Variants in CAMK2A observed in about 807,000 individuals in gnomAD.
The protein encoded by CAMK2A is calcium/calmodulin-dependent protein kinase type II subunit alpha.
Under a neutral mutation model 79.2 loss-of-function variants are expected in CAMK2A, and 7 were observed. The observed-to-expected ratio is 0.09, with a 90% confidence interval of 0.05 to 0.17. The LOEUF is 0.17. CAMK2A is among the 10% of genes least tolerant of loss of function. The pLI is 1.00. For missense variants in CAMK2A, 214 were observed against 646.4 expected (o/e 0.33, Z 7.25); for synonymous variants, 242 against 251.7 (o/e 0.96, Z 0.36).
chr5:150,243,994 G>A lies in CAMK2A; in HGVS notation c.984+1167C>T, dbSNP rs77118393. On this transcript the variant is annotated intron_variant, in intron 13 of 18. Coordinates refer to ENST00000671881, the MANE Select transcript of CAMK2A (RefSeq NM_015981.4). The stretch of plus-strand genomic sequence containing the variant: ...TGCCTCCCCAGTCCAGTACCTTTGG[G>A]ATCTAAAGAGTTCAATTTGAAAACC... Among the ~76,000 whole-genome samples, 562 of 152,274 alleles carry A rather than the reference G, an allele frequency of 3.7e-3. 2 individuals carry two copies. Among genetic ancestry groups the A allele is most frequent in the African/African-American group, 0.013 (532 of 41,542 alleles).
chr5:150,227,032 A>G lies in CAMK2A; in HGVS notation c.1237+1160T>C, dbSNP rs553578210. Among the ~76,000 whole-genome samples, 6 of 152,102 alleles carry G rather than the reference A, an allele frequency of 3.9e-5. No homozygotes were observed. In the East Asian group the frequency reaches 7.8e-4, roughly 20 times the overall value. On this transcript the variant is annotated intron_variant, in intron 17 of 18. Coordinates refer to ENST00000671881, the MANE Select transcript of CAMK2A (RefSeq NM_015981.4). ...AGTGATCTGCCCGCCTCAGCCTCCC[A>G]AAGTGCTGGGATTACATGCGTGAGC...
chr5:150,278,645 G>A (rs938743759), intron 1 of CAMK2A, among the ~76,000 whole-genome samples: 2 of 152,132 alleles, frequency 1.3e-5, no homozygotes, highest in African/African-American at 4.8e-5. Context: ...GAGAGCTGTG[G>A]CGGATGGCCA....
Position 150,220,258 on chromosome 5 carries a change from G to GA in CAMK2A, c.*2451dup, listed in dbSNP as rs569049701. On this transcript the variant is annotated 3_prime_UTR_variant, in exon 19 of 19. Coordinates refer to ENST00000671881, the MANE Select transcript of CAMK2A (RefSeq NM_015981.4). ...ACACAGCAAGTCTGGTCAGAGCTGGGAATTGAAGCCTACTCACCCCAAATC... is the reference window on the plus strand; with the variant it reads ...ACACAGCAAGTCTGGTCAGAGCTGGGAAATTGAAGCCTACTCACCCCAAATC... 5.3e-5 allele frequency: 8 copies of GA among 152,362 alleles called. No individual in the cohort carries two copies. In the East Asian group the frequency reaches 9.6e-4, roughly 18 times the overall value. The allele number at this position is 152,362 out of a possible 1,614,324, so 9.4% of individuals were successfully genotyped here. A position where few individuals can be genotyped will look rare whatever the true frequency, so the allele number is the denominator to read the frequency against.
chr5:150,261,791 C>A (rs1173682256), intron 3 of CAMK2A, among the ~76,000 whole-genome samples: 1 of 152,202 alleles, frequency 6.6e-6, no homozygotes, highest in Non-Finnish European at 1.5e-5. Context: ...ATGACTTAAC[C>A]TCTCTGAGCC....
At chr5:150,282,896 G>C (rs1228476138) in intron 1 of CAMK2A, among the ~76,000 whole-genome samples, 1 of 152,358 alleles carries the variant, frequency 6.6e-6, no homozygotes, top group East Asian at 1.9e-4. Flanking sequence ...GCCAGCTGTG[G>C]GATGCAGGAG....
At chr5:150,248,577 C>T (rs1755686617) in intron 11 of CAMK2A, among the ~76,000 whole-genome samples, 1 of 147,078 alleles carries the variant, frequency 6.8e-6, no homozygotes, top group South Asian at 2.1e-4. Flanking sequence ...TGAGTGAGAA[C>T]ATGCGCTGTT....
chr5:150,273,153 G>A lies in CAMK2A; in HGVS notation c.69C>T (p.Ala23=). 2 of 1,613,044 alleles carry A rather than the reference G, an allele frequency of 1.2e-6. No individual in the cohort carries two copies. The highest frequency in any genetic ancestry group is 1.7e-6 in the Non-Finnish European group (2 of 1,179,496). ...TCACACACCTTCGCACCACCGAGAA[G>A]GCTCCCCTAGGAGGACAGAGAAGGT... ...YQLFEELGKG[A]FSVVRRCVKV... Residue 23 remains alanine, a synonymous_variant, in exon 2 of 19, where the codon GCC becomes GCT. Transcript: ENST00000671881.
chr5:150,228,115 G>A (rs996777266), intron 17 of CAMK2A, 77 bp downstream of exon 17: 45 of 1,283,560 alleles, frequency 3.5e-5, no homozygotes, highest in Middle Eastern at 1.9e-4. Flanking sequence ...GGCCCTGCCC[G>A]TCACCCTGCT....
intron 1 of CAMK2A, among the ~76,000 whole-genome samples, chr5:150,281,613 T>C (rs182873370): frequency 6.6e-6 from 1 of 152,352 alleles, no homozygotes; most frequent in East Asian, 1.9e-4. Flanking sequence ...CAATACCCAG[T>C]ACTCTCAGGT....
chr5:150,282,632 T>C (rs981081196), intron 1 of CAMK2A, among the ~76,000 whole-genome samples: 21 of 152,238 alleles, frequency 1.4e-4, no homozygotes, highest in African/African-American at 4.6e-4. Flanking sequence ...TGTGTGACCA[T>C]GGGCAACGCC....
At chr5:150,275,863 T>C (rs1243866017) in intron 1 of CAMK2A, among the ~76,000 whole-genome samples, 1 of 151,950 alleles carries the variant, frequency 6.6e-6, no homozygotes, top group East Asian at 1.9e-4. Context: ...TAAGAGACCT[T>C]TATGGAGGCC....
chr5:150,244,386 G>T (rs1368231904), intron 13 of CAMK2A, among the ~76,000 whole-genome samples: 1 of 152,242 alleles, frequency 6.6e-6, no homozygotes, highest in African/African-American at 2.4e-5. Flanking sequence ...AATGTCCTGG[G>T]CACATCCCAG....
At chr5:150,277,413 G>A (rs1174114351) in intron 1 of CAMK2A, among the ~76,000 whole-genome samples, 2 of 152,212 alleles carry the variant, frequency 1.3e-5, no homozygotes, top group African/African-American at 4.8e-5. Flanking sequence ...CACTGATGGG[G>A]GCCAGCGAGG....
intron 2 of CAMK2A, among the ~76,000 whole-genome samples, chr5:150,268,346 T>C (rs922123891): frequency 6.6e-5 from 10 of 152,164 alleles, no homozygotes; most frequent in African/African-American, 2.4e-4. Context: ...ACCAAGCTCC[T>C]TCCCACCTCA....
Position 150,222,491 on chromosome 5 carries a change from G to A in CAMK2A, c.*219C>T, listed in dbSNP as rs1169268774. ...GGAAGCCCCAGCCTGGCAGGGGAGA[G>A]GGTGGGGGTGAGAGGTGGGGAGATG... is the stretch of plus-strand genomic sequence containing the variant. On this transcript the variant is annotated 3_prime_UTR_variant, in exon 19 of 19. Transcript: ENST00000671881. 16 of 705,342 alleles carry A rather than the reference G, an allele frequency of 2.3e-5. No homozygotes were observed. The highest frequency in any genetic ancestry group is 8.9e-5 in the South Asian group (6 of 67,618). The allele number at this position is 705,342 out of a possible 1,614,324, so 43.7% of individuals were successfully genotyped here. A position where few individuals can be genotyped will look rare whatever the true frequency, so the allele number is the denominator to read the frequency against.
intron 3 of CAMK2A, among the ~76,000 whole-genome samples, chr5:150,263,202 T>C (rs992317423): frequency 6.6e-5 from 10 of 152,180 alleles, no homozygotes; most frequent in African/African-American, 2.4e-4. Flanking sequence ...AACTCAGGAT[T>C]TGAGCTGTAG....
chr5:150,231,750 A>C (rs145559644), intron 15 of CAMK2A, among the ~76,000 whole-genome samples: 2 of 152,296 alleles, frequency 1.3e-5, no homozygotes, highest in Non-Finnish European at 2.9e-5. Context: ...TTGGCTCCCA[A>C]ATACTTATTC....
intron 17 of CAMK2A, 68 bp downstream of exon 17, chr5:150,228,124 C>T (rs2114020934): frequency 5.1e-6 from 7 of 1,371,866 alleles, no homozygotes; most frequent in East Asian, 2.3e-5. Flanking sequence ...CGTCACCCTG[C>T]TGTGCCATCC....
intron 1 of CAMK2A, among the ~76,000 whole-genome samples, chr5:150,274,806 C>T (rs149476856): frequency 1.3e-3 from 192 of 152,336 alleles, no homozygotes; most frequent in African/African-American, 4.5e-3. Context: ...ACTTCCACAC[C>T]AAGTAAGTCT....
Sources: gnomAD v4.1 joint callset for allele counts (sites outside exome capture counted in the v4.1 genomes callset) on GRCh38, gnomAD v4.1.1 for gene constraint, MANE v1.5 for transcripts, NCBI Gene and HGNC (gene_info 2026-07-23, HGNC 2026-07-21) for gene names.